SUGCT: variants seen among roughly 807,000 people sequenced by gnomAD.
SUGCT encodes succinyl-CoA:glutarate CoA-transferase.
A neutral mutation model predicts 55.0 loss-of-function variants in SUGCT; 41 were observed. The ratio of observed to expected loss-of-function variants is 0.74; its 90% CI spans 0.58 to 0.97. The LOEUF (loss-of-function observed/expected upper bound fraction) is 0.97, where lower values mean the gene tolerates loss of function less well. Ranked by LOEUF, SUGCT falls within the 50% of genes least tolerant of loss-of-function variation. SUGCT has a pLI of 0.00. For synonymous variants in SUGCT, 187 were observed against 200.4 expected, an observed-to-expected ratio of 0.93 and a Z score of 0.56; for missense variants, 568 against 547.8, an observed-to-expected ratio of 1.04 and a Z score of -0.37.
intron 12 of SUGCT, among the ~76,000 whole-genome samples, chr7:40,679,594 T>A (rs1562941929): frequency 6.6e-6 from 1 of 152,178 alleles, no homozygotes; most frequent in Admixed American, 6.6e-5. Context: ...CCCACTTTGC[T>A]GCTGTTCTGC....
intron 1 of SUGCT, among the ~76,000 whole-genome samples, chr7:40,143,704 G>A (rs947072316): frequency 1.3e-5 from 2 of 152,186 alleles, no homozygotes; most frequent in East Asian, 1.9e-4. Flanking sequence ...TGGTCTTGTC[G>A]TTAGATGGAG....
intron 9 of SUGCT, among the ~76,000 whole-genome samples, chr7:40,419,739 T>C (rs939612977): frequency 1.3e-5 from 2 of 152,224 alleles, no homozygotes; most frequent in African/African-American, 4.8e-5. Flanking sequence ...AACCTGGTTC[T>C]ATTCATTGAC....
intron 12 of SUGCT, among the ~76,000 whole-genome samples, chr7:40,726,633 T>G (rs1786626239): frequency 6.6e-6 from 1 of 152,192 alleles, no homozygotes; most frequent in Non-Finnish European, 1.5e-5. Context: ...TATTTCAGTG[T>G]AATCACACAT....
At chr7:40,287,112 T>C (rs565084429) in intron 8 of SUGCT, among the ~76,000 whole-genome samples, 195 of 152,336 alleles carry the variant, frequency 1.3e-3, no homozygotes, top group South Asian at 0.011. Context: ...AGGTGCTGCA[T>C]TACATAGGCT....
In SUGCT at chr7:40,449,300, A is replaced by C. The variant is rs1023980446; in HGVS notation, c.830A>C (p.Lys277Thr). Residue 277 changes from lysine (K) to threonine (T), a missense_variant, in exon 10 of 14, where the codon AAG (lysine) becomes ACG (threonine). Coordinates refer to ENST00000335693, the MANE Select transcript of SUGCT (RefSeq NM_001193313.2). ...SIVPYQAFKT[K>T]DGYIVVGAGN... ...TATTTCTTTTAGGCTTTTAAAACCA[A>C]GGATGGCTATATTGTAGTTGGAGCA... is the stretch of plus-strand genomic sequence containing the variant. 1.9e-6 allele frequency: 3 copies of C among 1,611,318 alleles called. No individual in the cohort carries two copies. The highest frequency in any genetic ancestry group is 2.5e-6 in the Non-Finnish European group (3 of 1,178,082).
intron 12 of SUGCT, chr7:40,499,345 G>A (rs1228836541): frequency 1.0e-5 from 2 of 200,946 alleles, no homozygotes; most frequent in African/African-American, 4.7e-5. Context: ...CATTTCATTT[G>A]TGGTTTGAAC....
At chr7:40,365,634 G>A (rs2151235613) in intron 9 of SUGCT, among the ~76,000 whole-genome samples, 2 of 151,746 alleles carry the variant, frequency 1.3e-5, no homozygotes, top group Admixed American at 6.6e-5. Context: ...CAAACAGAGA[G>A]CCAAATCATG....
intron 1 of SUGCT, among the ~76,000 whole-genome samples, chr7:40,149,928 C>T (rs929604668): frequency 6.6e-6 from 1 of 151,826 alleles, no homozygotes; most frequent in Admixed American, 6.6e-5. Context: ...TCAAAACAAA[C>T]AAAAAATTAC....
intron 13 of SUGCT, among the ~76,000 whole-genome samples, chr7:40,772,578 G>GCTATCTATCTATCTAT (rs70990645): frequency 1.1e-3 from 118 of 103,954 alleles, no homozygotes; most frequent in Admixed American, 1.5e-3. Context: ...TTATCTATCT[G>GCTATCTATCTATCTAT]CTATCTATCT....
At chr7:40,329,365 T>A (rs1028564979) in intron 9 of SUGCT, among the ~76,000 whole-genome samples, 4 of 152,126 alleles carry the variant, frequency 2.6e-5, no homozygotes, top group Non-Finnish European at 4.4e-5. Context: ...CCTTCTTAAG[T>A]TTGCTTCTGG....
chr7:40,648,459 G>A (rs1410003213), intron 12 of SUGCT, among the ~76,000 whole-genome samples: 4 of 152,150 alleles, frequency 2.6e-5, no homozygotes, highest in Non-Finnish European at 4.4e-5. Flanking sequence ...AACACAGTAC[G>A]TAGTTGTGAG....
chr7:40,396,899 T>C (rs1053861771), intron 9 of SUGCT, among the ~76,000 whole-genome samples: 50 of 152,208 alleles, frequency 3.3e-4, no homozygotes, highest in Non-Finnish European at 7.1e-4. Flanking sequence ...TAAACTTTTA[T>C]GCTATCTTAT....
the SUGCT span, among the ~76,000 whole-genome samples, chr7:41,022,211 A>G: frequency 6.6e-6 from 1 of 152,104 alleles, no homozygotes; most frequent in Non-Finnish European, 1.5e-5. Context: ...CAGCTAGAAC[A>G]AAAAGGGGTA....
intron 12 of SUGCT, among the ~76,000 whole-genome samples, chr7:40,708,699 C>T (rs79307225): frequency 0.023 from 3,441 of 152,226 alleles, 120 homozygotes; most frequent in African/African-American, 0.078. Context: ...CTGTTGCTTC[C>T]GCCTGAGCAC....
At chr7:40,710,802 C>G (rs923591400) in intron 12 of SUGCT, among the ~76,000 whole-genome samples, 2 of 152,094 alleles carry the variant, frequency 1.3e-5, no homozygotes, top group Admixed American at 6.5e-5. Flanking sequence ...TATTTTTTCC[C>G]ATGGGATCTT....
At chr7:40,507,037 TC>T (rs1583856274) in intron 12 of SUGCT, among the ~76,000 whole-genome samples, 1 of 152,192 alleles carries the variant, frequency 6.6e-6, no homozygotes, top group Non-Finnish European at 1.5e-5. Context: ...TTCTCCTAAG[TC>T]TACCATCAGG....
At chr7:40,179,563 G>T (rs1369326021) in intron 1 of SUGCT, among the ~76,000 whole-genome samples, 1 of 152,174 alleles carries the variant, frequency 6.6e-6, no homozygotes. Flanking sequence ...GATTACAGGC[G>T]TGAGCCACCA....
intron 7 of SUGCT, among the ~76,000 whole-genome samples, chr7:40,270,797 C>T (rs1379113534): frequency 6.6e-6 from 1 of 152,036 alleles, no homozygotes; most frequent in Non-Finnish European, 1.5e-5. Flanking sequence ...GAAGCATTGC[C>T]ATATTAACAA....
At chr7:41,030,186 A>T in the SUGCT span, among the ~76,000 whole-genome samples, 2 of 151,974 alleles carry the variant, frequency 1.3e-5, no homozygotes, top group Non-Finnish European at 2.9e-5. Flanking sequence ...ACTTTTTGTC[A>T]GTTATGAATA....
Sources: allele counts gnomAD v4.1 joint callset (sites outside exome capture counted in the v4.1 genomes callset), GRCh38; gene constraint gnomAD v4.1.1; transcripts MANE v1.5; gene names NCBI Gene and HGNC (gene_info 2026-07-23, HGNC 2026-07-21).